The following MALRD1 variants were observed in gnomAD, a reference collection of about 807,000 sequenced individuals.
The protein encoded by MALRD1 is MAM and LDL-receptor class A domain-containing protein 1.
Under a neutral mutation model 242.1 loss-of-function variants are expected in MALRD1, and 247 were observed. The observed-to-expected ratio is 1.02, with a 90% CI of 0.92 to 1.13. MALRD1 has a LOEUF of 1.13. Among genes scored for constraint, MALRD1 ranks in the 50% most tolerant of loss-of-function variants. The pLI, the probability that MALRD1 is intolerant of heterozygous loss-of-function variation, is 0.00. For synonymous variants in MALRD1, 995 were observed against 866.6 expected (o/e 1.15, Z -2.60); for missense variants, 2,989 against 2,533.1 (o/e 1.18, Z -3.86).
intron 10 of MALRD1, 147 bp downstream of exon 10, chr10:19,136,928 A>G (rs2131414222): frequency 2.0e-6 from 1 of 502,376 alleles, no homozygotes; most frequent in East Asian, 3.5e-5. Context: ...AACTATTAGT[A>G]CTATGCCTTC....
At chr10:19,227,290 G>C (rs1837840220) in intron 18 of MALRD1, among the ~76,000 whole-genome samples, 1 of 151,804 alleles carries the variant, frequency 6.6e-6, no homozygotes, top group Non-Finnish European at 1.5e-5. Flanking sequence ...GCATGAAGAA[G>C]ACATATATAT....
intron 33 of MALRD1, among the ~76,000 whole-genome samples, chr10:19,568,363 G>GTTT (rs1286539728): frequency 6.7e-6 from 1 of 150,120 alleles, no homozygotes; most frequent in Non-Finnish European, 1.5e-5. Context: ...TGTTGTTGTT[G>GTTT]TTGTTGTTTT....
chr10:19,439,649 C>G (rs985332586), intron 28 of MALRD1, among the ~76,000 whole-genome samples: 1 of 152,002 alleles, frequency 6.6e-6, no homozygotes, highest in Non-Finnish European at 1.5e-5. Flanking sequence ...TACAACTATA[C>G]TAATTAGCTG....
At chr10:19,354,679 T>C (rs1460725541) in intron 26 of MALRD1, among the ~76,000 whole-genome samples, 1 of 152,086 alleles carries the variant, frequency 6.6e-6, no homozygotes, top group Non-Finnish European at 1.5e-5. Context: ...GTTCCATCCA[T>C]GTTGCAAATA....
At chr10:19,171,022 G>C (rs188686943) in intron 13 of MALRD1, among the ~76,000 whole-genome samples, 1 of 151,458 alleles carries the variant, frequency 6.6e-6, no homozygotes, top group Admixed American at 6.6e-5. Flanking sequence ...TTTTGCTCCC[G>C]TTATTTTTTT....
intron 18 of MALRD1, among the ~76,000 whole-genome samples, chr10:19,232,728 A>C (rs1469729615): frequency 6.6e-6 from 1 of 152,200 alleles, no homozygotes; most frequent in East Asian, 1.9e-4. Flanking sequence ...TCAGTGTATC[A>C]GGCAAATCAA....
At chr10:19,462,657 T>G (rs1240158796) in intron 29 of MALRD1, among the ~76,000 whole-genome samples, 2 of 152,238 alleles carry the variant, frequency 1.3e-5, no homozygotes, top group Non-Finnish European at 2.9e-5. Flanking sequence ...TATTTTGCAT[T>G]CAATAAATAT....
intron 38 of MALRD1, among the ~76,000 whole-genome samples, chr10:19,726,171 C>A (rs546255789): frequency 1.3e-5 from 2 of 152,020 alleles, no homozygotes; most frequent in East Asian, 3.9e-4. Context: ...AGACAATCTA[C>A]AAAATGGTAG....
chr10:19,468,933 T>A (rs939441729), intron 29 of MALRD1, among the ~76,000 whole-genome samples: 1 of 152,090 alleles, frequency 6.6e-6, no homozygotes, highest in Non-Finnish European at 1.5e-5. Context: ...CTCTCCCTCC[T>A]CTTAATTTTT....
chr10:19,178,671 T>C (rs556452648), intron 14 of MALRD1, among the ~76,000 whole-genome samples: 1 of 152,326 alleles, frequency 6.6e-6, no homozygotes, highest in East Asian at 1.9e-4. Flanking sequence ...GAAATAATTT[T>C]GCATTCTGTT....
At position 19,205,236 on chromosome 10, in the gene MALRD1, G is replaced by C. The variant is rs1301825342; in HGVS notation, c.2549G>C (p.Cys850Ser). 1.3e-6 allele frequency: 2 copies of C among 1,550,718 alleles called. No individual in the cohort carries two copies. The highest frequency in any genetic ancestry group is 2.4e-5 in the South Asian group (2 of 84,036). The change falls in exon 17 of 40, where the codon TGT (cysteine) becomes TCT (serine). Residue 850 changes from cysteine to serine, a missense_variant. Transcript: ENST00000454679. ...CGGTTATGTGATCTGGTGGATGACTGTGGTGATCGTACTGATGAAGTCAAC... is the reference window on the plus strand; with the variant it reads ...CGGTTATGTGATCTGGTGGATGACTCTGGTGATCGTACTGATGAAGTCAAC... ...KLRLCDLVDD[C>S]GDRTDEVNCA... is the part of the protein sequence containing the mutation.
intron 5 of MALRD1, among the ~76,000 whole-genome samples, chr10:19,113,166 C>T (rs923043031): frequency 6.6e-6 from 1 of 152,020 alleles, no homozygotes; most frequent in African/African-American, 2.4e-5. Context: ...TACTTTATAA[C>T]AGACACCTAT....
intron 32 of MALRD1, among the ~76,000 whole-genome samples, chr10:19,555,316 A>G (rs1463780731): frequency 2.0e-5 from 3 of 152,120 alleles, no homozygotes; most frequent in Non-Finnish European, 4.4e-5. Flanking sequence ...TTTGGAGGGG[A>G]CAAACATCTA....
chr10:19,050,115 T>C (rs1590357637), intron 1 of MALRD1, among the ~76,000 whole-genome samples: 2 of 131,344 alleles, frequency 1.5e-5, no homozygotes, highest in African/African-American at 5.9e-5. Context: ...TGAGACGGAG[T>C]CTCGCTCTGT....
intron 34 of MALRD1, among the ~76,000 whole-genome samples, chr10:19,606,295 T>C: frequency 6.6e-6 from 1 of 152,166 alleles, no homozygotes; most frequent in Non-Finnish European, 1.5e-5. Flanking sequence ...TTTATTCATG[T>C]GCAAGGAATT....
chr10:19,164,176 ATAAACAATCAGAATTTT>A (rs141383149), intron 12 of MALRD1, among the ~76,000 whole-genome samples: 8,900 of 152,300 alleles, frequency 0.058, 334 homozygotes, highest in Middle Eastern at 0.1. Context: ...CTGAAATGAA[ATAAACAATCAGAATTTT>A]TAAATCAGGT....
At chr10:19,240,039 T>C (rs921714732) in intron 18 of MALRD1, among the ~76,000 whole-genome samples, 3 of 152,122 alleles carry the variant, frequency 2.0e-5, no homozygotes, top group African/African-American at 7.2e-5. Flanking sequence ...GTGAAGAATT[T>C]CATTGGTATT....
At chr10:19,498,430 G>C in intron 30 of MALRD1, 55 bp from the exon 31 acceptor site, 2 of 1,455,926 alleles carry the variant, frequency 1.4e-6, no homozygotes, top group Non-Finnish European at 1.9e-6. Flanking sequence ...ATATAGGGTA[G>C]TAGCAAATGT....
chr10:19,165,175 T>C, intron 12 of MALRD1, among the ~76,000 whole-genome samples: 1 of 146,544 alleles, frequency 6.8e-6, no homozygotes, highest in East Asian at 2.0e-4. Flanking sequence ...GTACTGCCCA[T>C]GACTGGGTTA....
Sources: gnomAD v4.1 joint callset for allele counts (sites outside exome capture counted in the v4.1 genomes callset) on GRCh38, gnomAD v4.1.1 for gene constraint, MANE v1.5 for transcripts, NCBI Gene and HGNC (gene_info 2026-07-23, HGNC 2026-07-21) for gene names.